Variants in SORCS1 observed in about 807,000 individuals in gnomAD.
SORCS1 encodes the protein sortilin related VPS10 domain containing receptor 1.
In SORCS1, 60 loss-of-function variants were observed where a neutral mutation model predicts 146.1. That is an observed-to-expected ratio of 0.41 (90% CI 0.33 to 0.51). SORCS1 has a LOEUF of 0.51. Among genes scored for constraint, SORCS1 ranks in the 20% least tolerant of loss-of-function variants. The pLI is 0.21. For synonymous variants in SORCS1, 637 were observed against 584.0 expected, an observed-to-expected ratio of 1.09 and a Z score of -1.31; for missense variants, 1,352 against 1,487.6, an observed-to-expected ratio of 0.91 and a Z score of 1.50.
At chr10:106,977,112 A>G (rs1564879300) in intron 1 of SORCS1, among the ~76,000 whole-genome samples, 2 of 152,320 alleles carry the variant, frequency 1.3e-5, no homozygotes, top group South Asian at 4.1e-4. Context: ...AGGAATCACC[A>G]CACTGTTTTC....
intron 17 of SORCS1, among the ~76,000 whole-genome samples, chr10:106,655,808 C>T (rs541979059): frequency 6.6e-6 from 1 of 152,264 alleles, no homozygotes; most frequent in African/African-American, 2.4e-5. Flanking sequence ...CAAGTAAGCA[C>T]ACACCTGCTT....
At chr10:106,788,913 G>C (rs1946185436) in intron 3 of SORCS1, among the ~76,000 whole-genome samples, 1 of 152,238 alleles carries the variant, frequency 6.6e-6, no homozygotes, top group Non-Finnish European at 1.5e-5. Flanking sequence ...CCCTAGCAGA[G>C]GTTCTCCATG....
chr10:107,153,437 G>C (rs1969003413), intron 1 of SORCS1, among the ~76,000 whole-genome samples: 1 of 152,182 alleles, frequency 6.6e-6, no homozygotes, highest in Non-Finnish European at 1.5e-5. Context: ...GATTTAAACT[G>C]AAACATATAT....
chr10:106,869,843 G>T (rs573323249), intron 2 of SORCS1, among the ~76,000 whole-genome samples: 1 of 152,164 alleles, frequency 6.6e-6, no homozygotes, highest in Admixed American at 6.5e-5. Flanking sequence ...CCTAGCCAGA[G>T]AAATCAGGCA....
chr10:106,722,120 T>TACACACACACACACACACACACAC (rs140882766), intron 6 of SORCS1, among the ~76,000 whole-genome samples: 29 of 144,354 alleles, frequency 2.0e-4, no homozygotes, highest in African/African-American at 6.7e-4. Flanking sequence ...AATATATAAA[T>TACACACACACACACACACACACAC]ACACACACAC....
intron 3 of SORCS1, among the ~76,000 whole-genome samples, chr10:106,806,871 G>A (rs977801695): frequency 1.3e-5 from 2 of 152,016 alleles, no homozygotes; most frequent in Admixed American, 1.3e-4. Context: ...CATGACAAAT[G>A]CATAATTGCT....
intron 17 of SORCS1, chr10:106,667,433 C>T: frequency 2.5e-6 from 1 of 393,504 alleles, no homozygotes. Context: ...AAAATGAAGA[C>T]ACTTTTAATA....
intron 2 of SORCS1, among the ~76,000 whole-genome samples, chr10:106,905,054 A>T (rs1312002907): frequency 6.6e-6 from 1 of 152,248 alleles, no homozygotes; most frequent in African/African-American, 2.4e-5. Context: ...CTTTCATAAT[A>T]AAGTTAAAAA....
At chr10:106,768,606 A>T (rs182094070) in intron 4 of SORCS1, among the ~76,000 whole-genome samples, 1 of 152,336 alleles carries the variant, frequency 6.6e-6, no homozygotes, top group East Asian at 1.9e-4. Flanking sequence ...TAAGTACCAC[A>T]TATCTGTCGG....
chr10:106,724,860 C>A lies in SORCS1; in HGVS notation c.1024+5190G>T, dbSNP rs142688439. ...TGGTTCAAAGTCAAAAACATGATGG[C>A]CAGGTGTGGTGGCTCATGCCTGTAA... On this transcript the variant is annotated intron_variant, in intron 6 of 25. Transcript: ENST00000263054. Among the ~76,000 whole-genome samples, 94 of 152,314 alleles carry A rather than the reference C, an allele frequency of 6.2e-4. 3 individuals carry two copies. The East Asian group carries it at 0.017, about 28-fold the overall frequency.
chr10:107,022,143 A>G (rs1958178949), intron 1 of SORCS1, among the ~76,000 whole-genome samples: 1 of 152,192 alleles, frequency 6.6e-6, no homozygotes, highest in Admixed American at 6.5e-5. Context: ...CGGAGGTTTC[A>G]GAACCCACAA....
Position 106,577,192 on chromosome 10 carries a change from GT to G in SORCS1, c.*227del. On this transcript the variant is annotated 3_prime_UTR_variant, in exon 26 of 26. Transcript: ENST00000263054. ...ATATTTTATGTTTTGTTTTGTTTTT[GT>G]TTTTGTTTTTTTACTGGCGTCCTCC... The G allele has an allele frequency of 1.3e-6, 2 of 1,500,190 alleles. No individual in the cohort carries two copies. The highest frequency in any genetic ancestry group is 1.9e-5 in the Admixed American group (1 of 52,156). The allele number at this position is 1,500,190 out of a possible 1,614,324, so 92.9% of individuals were successfully genotyped here.
intron 8 of SORCS1, among the ~76,000 whole-genome samples, chr10:106,705,770 G>A (rs1854472381): frequency 6.6e-6 from 1 of 152,142 alleles, no homozygotes. Flanking sequence ...ACTAGGTGGC[G>A]CTCCATATTA....
chr10:107,148,638 T>C (rs1968528469), intron 1 of SORCS1, among the ~76,000 whole-genome samples: 1 of 152,220 alleles, frequency 6.6e-6, no homozygotes, highest in Non-Finnish European at 1.5e-5. Flanking sequence ...CAAAGGTTTC[T>C]TTAAAGATAT....
intron 2 of SORCS1, among the ~76,000 whole-genome samples, chr10:106,873,365 G>A (rs1950482203): frequency 6.6e-6 from 1 of 151,976 alleles, no homozygotes; most frequent in Non-Finnish European, 1.5e-5. Context: ...ATTCCTAGAG[G>A]ATATTTAGCA....
At chr10:107,110,347 G>T (rs988713039) in intron 1 of SORCS1, among the ~76,000 whole-genome samples, 2 of 152,138 alleles carry the variant, frequency 1.3e-5, no homozygotes, top group African/African-American at 4.8e-5. Flanking sequence ...AATAAAAAAG[G>T]TTTAATTGGC....
chr10:106,635,498 A>T (rs900658456), intron 18 of SORCS1, among the ~76,000 whole-genome samples: 1 of 152,166 alleles, frequency 6.6e-6, no homozygotes, highest in Non-Finnish European at 1.5e-5. Flanking sequence ...GGTAACCCAG[A>T]CTGTTAATAT....
chr10:107,042,091 C>T (rs1191242457), intron 1 of SORCS1, among the ~76,000 whole-genome samples: 1 of 152,190 alleles, frequency 6.6e-6, no homozygotes, highest in Non-Finnish European at 1.5e-5. Context: ...ACAGCAAACT[C>T]TTAAGCACAT....
rs772421907 is a variant in SORCS1, at chr10:106,889,888, T to TAAAAAAAAAAAAAAA, written c.627-60230_627-60216dup. ...TGACAGAGTGAGACTACGTCTCAAA[T>TAAAAAAAAAAAAAAA]AAAAAAAAAAAAAAAAAAAAAAAGC... On this transcript the variant is annotated intron_variant, in intron 2 of 25. Coordinates refer to ENST00000263054, the MANE Select transcript of SORCS1 (RefSeq NM_052918.5). Among the ~76,000 whole-genome samples, 6 of 71,680 alleles carry TAAAAAAAAAAAAAAA rather than the reference T, an allele frequency of 8.4e-5. 1 individual carries two copies. The highest frequency in any genetic ancestry group is 2.6e-4 in the African/African-American group (5 of 19,412). 47.0% of individuals were successfully genotyped at this position (71,680 alleles called of 152,430 possible).
Sources: gnomAD v4.1 joint callset for allele counts (sites outside exome capture counted in the v4.1 genomes callset) on GRCh38, gnomAD v4.1.1 for gene constraint, MANE v1.5 for transcripts, NCBI Gene and HGNC (gene_info 2026-07-23, HGNC 2026-07-21) for gene names.